The following SLC9C1 variants were observed in gnomAD, a reference collection of about 807,000 sequenced individuals.
SLC9C1 encodes the protein sodium/hydrogen exchanger 10.
In SLC9C1, 97 loss-of-function variants were observed where a neutral mutation model predicts 140.9. The observed-to-expected ratio is 0.69, with a 90% CI of 0.58 to 0.82. The LOEUF is 0.82. SLC9C1 is among the 40% of genes least tolerant of loss of function. The pLI, the probability that SLC9C1 is intolerant of heterozygous loss-of-function variation, is 0.00. For synonymous variants in SLC9C1, 440 were observed against 442.6 expected (o/e 0.99, Z 0.07); for missense variants, 1,340 against 1,389.3 (o/e 0.96, Z 0.56).
intron 26 of SLC9C1, among the ~76,000 whole-genome samples, chr3:112,160,398 C>T (rs985164614): frequency 4.0e-5 from 6 of 150,844 alleles, no homozygotes; most frequent in Non-Finnish European, 8.9e-5. Context: ...TTAGGTATAT[C>T]TCCCAATGCT....
At chr3:112,158,304 G>A (rs1466856296) in intron 26 of SLC9C1, among the ~76,000 whole-genome samples, 1 of 151,852 alleles carries the variant, frequency 6.6e-6, no homozygotes, top group Non-Finnish European at 1.5e-5. Context: ...TGATTCTGTT[G>A]ATGTAATACA....
intron 2 of SLC9C1, among the ~76,000 whole-genome samples, chr3:112,282,755 G>C (rs2080393922): frequency 6.6e-6 from 1 of 152,068 alleles, no homozygotes; most frequent in Non-Finnish European, 1.5e-5. Flanking sequence ...CCTTAGAAAA[G>C]TGTCTTGAAC....
chr3:112,168,299 G>C (rs575844459), intron 25 of SLC9C1, among the ~76,000 whole-genome samples: 2 of 145,016 alleles, frequency 1.4e-5, no homozygotes, highest in African/African-American at 5.1e-5. Flanking sequence ...GTGCCTCTCT[G>C]ATTCTCCCCC....
chr3:112,215,930 G>T (rs1323776980), intron 15 of SLC9C1, among the ~76,000 whole-genome samples: 1 of 152,172 alleles, frequency 6.6e-6, no homozygotes, highest in African/African-American at 2.4e-5. Context: ...AAAGCTGGAG[G>T]CATCACGCTA....
At chr3:112,210,318 G>A (rs4682367) in intron 15 of SLC9C1, among the ~76,000 whole-genome samples, 114,906 of 152,146 alleles carry the variant, frequency 0.76, 43,797 homozygotes, top group East Asian at 0.99. Flanking sequence ...ACCATGGAAC[G>A]TTATTTAACC....
chr3:112,153,177 A>G (rs2075032707), intron 27 of SLC9C1, among the ~76,000 whole-genome samples: 1 of 152,182 alleles, frequency 6.6e-6, no homozygotes, highest in African/African-American at 2.4e-5. Context: ...ATATGTCTTA[A>G]TAGCTAACAT....
rs1243990126 is a variant in SLC9C1 at position 112,229,512 on chromosome 3, C to G, written c.1572+1849G>C. ...ATTACCCTCTTGACCCTAAATTTAC[C>G]TTTCATATTAGAATAAAATATTAGT... is the stretch of plus-strand genomic sequence containing the variant. On this transcript the variant is annotated intron_variant, in intron 13 of 28. Coordinates refer to ENST00000305815, the MANE Select transcript of SLC9C1 (RefSeq NM_183061.3). Among the ~76,000 whole-genome samples, 3 of 151,996 alleles carry G rather than the reference C, an allele frequency of 2.0e-5. No individual in the cohort carries two copies. The East Asian group carries it at 5.8e-4, about 29-fold the overall frequency.
At chr3:112,216,546 T>G (rs6438052) in intron 15 of SLC9C1, among the ~76,000 whole-genome samples, 113,520 of 148,816 alleles carry the variant, frequency 0.76, 43,672 homozygotes, top group East Asian at 0.99. Context: ...AGTGGGCAAA[T>G]GATATGAACA....
chr3:112,287,568 T>C (rs2080545548), intron 1 of SLC9C1, among the ~76,000 whole-genome samples: 1 of 152,218 alleles, frequency 6.6e-6, no homozygotes, highest in South Asian at 2.1e-4. Flanking sequence ...GGGGCCTTGA[T>C]AAGAGTTTGA....
At chr3:112,221,661 G>A (rs953883911) in intron 13 of SLC9C1, among the ~76,000 whole-genome samples, 1 of 151,842 alleles carries the variant, frequency 6.6e-6, no homozygotes, top group Non-Finnish European at 1.5e-5. Context: ...TCTGTGATAA[G>A]GATTAAAATG....
intron 5 of SLC9C1, among the ~76,000 whole-genome samples, chr3:112,276,023 G>C (rs950610688): frequency 1.3e-5 from 2 of 152,010 alleles, no homozygotes; most frequent in African/African-American, 4.8e-5. Flanking sequence ...AGGCCATCCT[G>C]GATCACTTAG....
At chr3:112,208,786 A>G (rs886759437) in intron 15 of SLC9C1, among the ~76,000 whole-genome samples, 1 of 152,160 alleles carries the variant, frequency 6.6e-6, no homozygotes, top group African/African-American at 2.4e-5. Context: ...TATGTTTATA[A>G]AATGATTATC....
At chr3:112,263,275 A>T (rs1243822652) in intron 9 of SLC9C1, among the ~76,000 whole-genome samples, 177 bp from the exon 10 acceptor site, 1 of 151,956 alleles carries the variant, frequency 6.6e-6, no homozygotes, top group Non-Finnish European at 1.5e-5. Context: ...ATAGAGAGAC[A>T]TGCCAAGAGA....
chr3:112,222,100 C>T (rs1231363711), intron 13 of SLC9C1, among the ~76,000 whole-genome samples: 1 of 152,124 alleles, frequency 6.6e-6, no homozygotes, highest in African/African-American at 2.4e-5. Context: ...GTACACTCTT[C>T]TCCTTAAATA....
In SLC9C1 at chr3:112,266,285, T is replaced by C. The variant is rs749897022; in HGVS notation, c.831A>G (p.Leu277=). 11 of 1,611,128 alleles carry C rather than the reference T, an allele frequency of 6.8e-6. No homozygotes were observed. Among genetic ancestry groups the C allele is most frequent in the Non-Finnish European group, 9.3e-6 (11 of 1,178,956 alleles). The change falls in exon 8 of 29, where the codon TTA becomes TTG. Residue 277 remains leucine (L), a synonymous_variant. Coordinates refer to ENST00000305815, the MANE Select transcript of SLC9C1 (RefSeq NM_183061.3). ...TTGCTGCTTTAAAACTTGTAGAATT[T>C]AAAAGAAGTCCCACAATGGCCAGAG... is the stretch of plus-strand genomic sequence containing the variant. ...IFTLAIVGLL[L]NSTSFKAAIE...
At chr3:112,235,061 C>T (rs1230859658) in intron 12 of SLC9C1, among the ~76,000 whole-genome samples, 3 of 150,352 alleles carry the variant, frequency 2.0e-5, no homozygotes, top group Non-Finnish European at 4.4e-5. Context: ...TATAAATTAC[C>T]TTGGGCAGTA....
intron 14 of SLC9C1, among the ~76,000 whole-genome samples, chr3:112,220,856 G>GA (rs964239461): frequency 1.6e-5 from 1 of 62,306 alleles, no homozygotes; most frequent in African/African-American, 4.8e-5. Context: ...TTTTGGCAGG[G>GA]GGGGACAAAG....
chr3:112,273,270 T>C (rs4568109), intron 6 of SLC9C1, among the ~76,000 whole-genome samples: 44,772 of 151,756 alleles, frequency 0.3, 6,793 homozygotes, highest in East Asian at 0.36. Flanking sequence ...TGCCATATTG[T>C]GTCACCTCCC....
chr3:112,192,470 A>C (rs1480414983), intron 20 of SLC9C1, among the ~76,000 whole-genome samples: 1 of 152,212 alleles, frequency 6.6e-6, no homozygotes, highest in Non-Finnish European at 1.5e-5. Context: ...TTGTATGTAT[A>C]TACCACATTT....
Sources: allele counts gnomAD v4.1 joint callset (sites outside exome capture counted in the v4.1 genomes callset), GRCh38; gene constraint gnomAD v4.1.1; transcripts MANE v1.5; gene names NCBI Gene and HGNC (gene_info 2026-07-23, HGNC 2026-07-21).